The following MEGF11 variants were observed in gnomAD, a reference collection of about 807,000 sequenced individuals.
The protein encoded by MEGF11 is multiple EGF like domains 11, also known as multiple epidermal growth factor-like domains protein 11.
In MEGF11, 126 loss-of-function variants were observed where a neutral mutation model predicts 146.6. The ratio of observed to expected loss-of-function variants is 0.86; its 90% CI spans 0.74 to 1.00. The LOEUF (loss-of-function observed/expected upper bound fraction) is 1.00, where lower values mean the gene tolerates loss of function less well. MEGF11 is among the 50% of genes least tolerant of loss of function. MEGF11 has a pLI of 0.00. For synonymous variants in MEGF11, 532 were observed against 583.4 expected (o/e 0.91, Z 1.27); for missense variants, 1,509 against 1,521.2 (o/e 0.99, Z 0.13).
chr15:65,986,263 C>G (rs781684208), intron 5 of MEGF11, among the ~76,000 whole-genome samples: 18 of 151,914 alleles, frequency 1.2e-4, no homozygotes, highest in Non-Finnish European at 2.1e-4. Flanking sequence ...TTATGGGGCT[C>G]CTAAAAAGTA....
At position 66,125,219 on chromosome 15, in the gene MEGF11, C is replaced by T. The variant is rs115955419; in HGVS notation, c.99-1219G>A. ...GCACTGGGGATGTAAGGAGGGCTCT[C>T]GGTGTGCCCCCACCAGCTGGCACAC... On this transcript the variant is annotated intron_variant, in intron 2 of 25. Coordinates refer to ENST00000395614, the MANE Select transcript of MEGF11 (RefSeq NM_001385028.1). 2.6e-3 allele frequency among the ~76,000 whole-genome samples: 400 copies of T among 152,264 alleles called. 1 individual carries two copies. Among genetic ancestry groups the T allele is most frequent in the African/African-American group, 9.4e-3 (390 of 41,538 alleles).
intron 15 of MEGF11, 63 bp downstream of exon 15, chr15:65,922,275 C>T: frequency 6.4e-7 from 1 of 1,567,626 alleles, no homozygotes; most frequent in South Asian, 1.2e-5. Flanking sequence ...CCTTCCTTCC[C>T]TGCCACTTTC....
intron 10 of MEGF11, among the ~76,000 whole-genome samples, chr15:65,931,548 A>AT (rs955084776): frequency 7.2e-5 from 11 of 152,270 alleles, no homozygotes; most frequent in Admixed American, 3.9e-4. Context: ...CTAAATTGTG[A>AT]TTTTTTACAG....
chr15:66,234,359 T>C (rs2092042923), intron 1 of MEGF11, among the ~76,000 whole-genome samples: 2 of 152,246 alleles, frequency 1.3e-5, no homozygotes, highest in South Asian at 4.1e-4. Flanking sequence ...TGCTTTTCTG[T>C]TACTTGCAGC....
At chr15:66,199,151 C>T (rs181346169) in intron 1 of MEGF11, among the ~76,000 whole-genome samples, 2 of 152,120 alleles carry the variant, frequency 1.3e-5, no homozygotes, top group Non-Finnish European at 2.9e-5. Flanking sequence ...AACATATCTC[C>T]TGTCTGAATT....
At chr15:65,931,860 A>C (rs964170284) in intron 10 of MEGF11, among the ~76,000 whole-genome samples, 3 of 152,184 alleles carry the variant, frequency 2.0e-5, no homozygotes, top group African/African-American at 7.2e-5. Flanking sequence ...CTCATAGGAG[A>C]TAGAAGCTAC....
chr15:66,219,191 C>CA (rs1444575816), intron 1 of MEGF11, among the ~76,000 whole-genome samples: 4 of 151,762 alleles, frequency 2.6e-5, no homozygotes, highest in African/African-American at 7.3e-5. Flanking sequence ...AAGTGCAATC[C>CA]ATAAAAGAAA....
intron 5 of MEGF11, among the ~76,000 whole-genome samples, chr15:66,017,529 C>G (rs1567203435): frequency 6.6e-6 from 1 of 152,154 alleles, no homozygotes; most frequent in Non-Finnish European, 1.5e-5. Context: ...TTTTTCTTAC[C>G]ATCAGCACCC....
intron 1 of MEGF11, among the ~76,000 whole-genome samples, chr15:66,232,829 C>G (rs1567293109): frequency 6.6e-6 from 1 of 152,076 alleles, no homozygotes; most frequent in Non-Finnish European, 1.5e-5. Context: ...CTTAACTCAC[C>G]CAACAACACT....
In MEGF11 at chr15:66,113,885, A is replaced by C. The variant is rs911748619; in HGVS notation, c.301+5201T>G. 7.2e-5 allele frequency among the ~76,000 whole-genome samples: 11 copies of C among 152,104 alleles called. No individual in the cohort carries two copies. The Middle Eastern group carries it at 0.01, about 141-fold the overall frequency. On this transcript the variant is annotated intron_variant, in intron 4 of 25. Coordinates refer to ENST00000395614, the MANE Select transcript of MEGF11 (RefSeq NM_001385028.1). The stretch of plus-strand genomic sequence containing the variant: ...GACAGAGCGAAACTCTGTCTCAAAA[A>C]AAAAAAAGAAAAAGAAACCGTTGCC...
intron 4 of MEGF11, among the ~76,000 whole-genome samples, chr15:66,105,809 G>A (rs1055703145): frequency 1.3e-5 from 2 of 152,184 alleles, no homozygotes; most frequent in South Asian, 2.1e-4. Flanking sequence ...TCAGGCCTCC[G>A]CAGTTTGTTT....
chr15:66,108,967 C>T (rs2087241398), intron 4 of MEGF11, among the ~76,000 whole-genome samples: 1 of 152,334 alleles, frequency 6.6e-6, no homozygotes, highest in African/African-American at 2.4e-5. Flanking sequence ...CCTTCAGAGG[C>T]CGCCCGGTGC....
intron 5 of MEGF11, among the ~76,000 whole-genome samples, chr15:66,027,867 A>C (rs1237621344): frequency 1.2e-4 from 19 of 152,168 alleles, no homozygotes; most frequent in Admixed American, 1.2e-3. Flanking sequence ...TTAAGCTGTG[A>C]CCAAATGTGA....
chr15:66,045,015 A>C (rs925780467), intron 5 of MEGF11, among the ~76,000 whole-genome samples: 1 of 152,172 alleles, frequency 6.6e-6, no homozygotes, highest in Non-Finnish European at 1.5e-5. Flanking sequence ...AAGCTCAAAC[A>C]GTGCAAGATG....
chr15:65,908,816 C>G (rs777470772), intron 23 of MEGF11, among the ~76,000 whole-genome samples: 1 of 152,178 alleles, frequency 6.6e-6, no homozygotes, highest in South Asian at 2.1e-4. Context: ...TTCACATCCA[C>G]CGTTCACTAT....
intron 1 of MEGF11, among the ~76,000 whole-genome samples, chr15:66,216,177 T>A (rs551353586): frequency 6.6e-6 from 1 of 152,168 alleles, no homozygotes; most frequent in Non-Finnish European, 1.5e-5. Flanking sequence ...AAATTCCCAT[T>A]GATGCTGAGG....
At chr15:66,031,503 G>A (rs1349451910) in intron 5 of MEGF11, among the ~76,000 whole-genome samples, 2 of 152,178 alleles carry the variant, frequency 1.3e-5, no homozygotes, top group Non-Finnish European at 2.9e-5. Context: ...CAGAGGTGGA[G>A]CACAGGATAA....
At position 66,022,253 on chromosome 15, in the gene MEGF11, C is replaced by T. The variant is rs187274578; in HGVS notation, c.395-39765G>A. On this transcript the variant is annotated intron_variant, in intron 5 of 25. Transcript: ENST00000395614. ...CTGGCGATTCCATCAGATGTACTCT[C>T]TCAGCTCCATGTAAGGTAATGCAAT... is the stretch of plus-strand genomic sequence containing the variant. Among the ~76,000 whole-genome samples the T allele has an allele frequency of 1.8e-4, 27 of 152,364 alleles. 1 individual carries two copies. In the East Asian group the frequency reaches 4.4e-3, roughly 25 times the overall value.
intron 1 of MEGF11, among the ~76,000 whole-genome samples, chr15:66,164,619 G>T (rs2090048755): frequency 6.6e-6 from 1 of 152,152 alleles, no homozygotes; most frequent in African/African-American, 2.4e-5. Flanking sequence ...GTTTTGGACA[G>T]AGGACAGCTT....
Sources: allele counts gnomAD v4.1 joint callset (sites outside exome capture counted in the v4.1 genomes callset), GRCh38; gene constraint gnomAD v4.1.1; transcripts MANE v1.5; gene names NCBI Gene and HGNC (gene_info 2026-07-23, HGNC 2026-07-21).